The following TEX26 variants were observed in gnomAD, a reference collection of about 807,000 sequenced individuals.
The protein encoded by TEX26 is testis-expressed protein 26.
A neutral mutation model predicts 35.3 loss-of-function variants in TEX26; 34 were observed. The ratio of observed to expected loss-of-function variants is 0.96; its 90% CI spans 0.73 to 1.28. TEX26 has a LOEUF of 1.28. Ranked by LOEUF, TEX26 falls within the 50% of genes most tolerant of loss-of-function variation. The pLI is 0.00. For synonymous variants in TEX26, 136 were observed against 111.8 expected (o/e 1.22, Z -1.36); for missense variants, 371 against 330.1 (o/e 1.12, Z -0.96).
At chr13:30,953,701 A>T (rs572715539) in intron 3 of TEX26, among the ~76,000 whole-genome samples, 2 of 152,230 alleles carry the variant, frequency 1.3e-5, no homozygotes, top group Non-Finnish European at 2.9e-5. Context: ...CTCACATTAA[A>T]GAAAGCCATC....
chr13:30,941,926 G>C (rs985023646), intron 2 of TEX26, among the ~76,000 whole-genome samples: 1 of 152,048 alleles, frequency 6.6e-6, no homozygotes, highest in African/African-American at 2.4e-5. Context: ...GGGCCCTTAG[G>C]TTGGTTTTAT....
At chr13:30,972,794 C>T (rs1954757823) in intron 6 of TEX26, among the ~76,000 whole-genome samples, 1 of 152,198 alleles carries the variant, frequency 6.6e-6, no homozygotes, top group Non-Finnish European at 1.5e-5. Flanking sequence ...ACCACCACGC[C>T]CAGCTAATTT....
chr13:30,955,324 C>T (rs781221944), intron 3 of TEX26, among the ~76,000 whole-genome samples: 24 of 152,192 alleles, frequency 1.6e-4, no homozygotes, highest in Non-Finnish European at 3.1e-4. Flanking sequence ...GATACACCTG[C>T]CAATTTGCAG....
At chr13:30,960,930 C>T (rs1416338539) in intron 4 of TEX26, among the ~76,000 whole-genome samples, 1 of 152,116 alleles carries the variant, frequency 6.6e-6, no homozygotes, top group African/African-American at 2.4e-5. Context: ...CAAAAACCTA[C>T]AAAGGAGGTA....
intron 2 of TEX26, 127 bp from the exon 3 acceptor site, chr13:30,952,533 C>A: frequency 1.4e-6 from 1 of 726,300 alleles, no homozygotes; most frequent in African/African-American, 1.9e-5. Context: ...TAAATTATTT[C>A]TGGCACCAAC....
rs370787883 is a variant in TEX26, at chr13:30,952,656, A to G, written c.147-4A>G. ...ACTCTAATTTCTGCTGGGTTTTTTT[A>G]TAGCCAAAACGGTATCAGAAGATTA... On this transcript the variant is annotated splice_polypyrimidine_tract_variant and splice_region_variant and intron_variant, in intron 2 of 6. Transcript: ENST00000380473. The G allele has an allele frequency of 1.2e-5, 19 of 1,560,394 alleles. No homozygotes were observed. The African/African-American group carries it at 1.9e-4, about 16-fold the overall frequency.
intron 2 of TEX26, among the ~76,000 whole-genome samples, chr13:30,949,111 G>T (rs1956651995): frequency 6.6e-6 from 1 of 151,972 alleles, no homozygotes; most frequent in South Asian, 2.1e-4. Flanking sequence ...TCTCTGTTTT[G>T]GTACCAGTAC....
rs1188144780 is a variant in TEX26 at position 30,937,674 on chromosome 13, G to A, written c.62-2020G>A. Among the ~76,000 whole-genome samples, 3 of 152,248 alleles carry A rather than the reference G, an allele frequency of 2.0e-5. No homozygotes were observed. In the East Asian group the frequency reaches 5.8e-4, roughly 29 times the overall value. On this transcript the variant is annotated intron_variant, in intron 1 of 6. Transcript: ENST00000380473. The stretch of plus-strand genomic sequence containing the variant: ...GTATTGGAGAATGATGTCATTTCTT[G>A]TAGAGCAGGATTAGAGAGCAGACAC...
chr13:30,946,367 TA>T (rs1566146330), intron 2 of TEX26, among the ~76,000 whole-genome samples: 1 of 151,896 alleles, frequency 6.6e-6, no homozygotes, highest in African/African-American at 2.4e-5. Flanking sequence ...TTAATTTCTT[TA>T]TGTTGGTTTT....
At position 30,975,482 on chromosome 13, in the gene TEX26, A is replaced by G. The variant is rs1410577306; in HGVS notation, c.*575A>G. On this transcript the variant is annotated 3_prime_UTR_variant, in exon 7 of 7. Coordinates refer to ENST00000380473, the MANE Select transcript of TEX26 (RefSeq NM_152325.3). ...TGAAAGAATATTGGAACCTCCCACA[A>G]TAAATATATTTTTATCAATTTTCCC... The G allele has an allele frequency of 2.0e-5, 3 of 152,154 alleles. No individual in the cohort carries two copies. Among genetic ancestry groups the G allele is most frequent in the Non-Finnish European group, 2.9e-5 (2 of 68,030 alleles). 9.4% of individuals were successfully genotyped at this position (152,154 alleles called of 1,614,324 possible).
Position 30,939,597 on chromosome 13 carries a change from G to GT in TEX26, c.62-90dup, listed in dbSNP as rs934663424. Reference sequence around the variant, plus strand: ...ACTCTAAAGATAAACCATCCAAAATGTTTTTTTCTCTTGCAAAATTATCTT... The same window carrying GT: ...ACTCTAAAGATAAACCATCCAAAATGTTTTTTTTCTCTTGCAAAATTATCTT... On this transcript the variant is annotated intron_variant, in intron 1 of 6. Transcript: ENST00000380473. 2.0e-5 allele frequency: 22 copies of GT among 1,109,004 alleles called. No individual in the cohort carries two copies. The African/African-American group carries it at 2.0e-4, about 10-fold the overall frequency. The allele number at this position is 1,109,004 out of a possible 1,614,324, so 68.7% of individuals were successfully genotyped here. A position where few individuals can be genotyped will look rare whatever the true frequency, so the allele number is the denominator to read the frequency against.
chr13:30,968,406 C>T (rs1305894999), intron 5 of TEX26, among the ~76,000 whole-genome samples: 1 of 152,194 alleles, frequency 6.6e-6, no homozygotes, highest in Non-Finnish European at 1.5e-5. Context: ...CTTGGAAAGC[C>T]AGGCTTCATC....
chr13:30,966,140 T>C, intron 4 of TEX26, 82 bp from the exon 5 acceptor site: 1 of 1,481,780 alleles, frequency 6.7e-7, no homozygotes, highest in Non-Finnish European at 9.3e-7. Flanking sequence ...ACATTGACCA[T>C]ACCTCTAAAC....
intron 4 of TEX26, among the ~76,000 whole-genome samples, chr13:30,957,392 G>C (rs770282028): frequency 6.6e-6 from 1 of 152,186 alleles, no homozygotes; most frequent in African/African-American, 2.4e-5. Context: ...CAAGAGTAGA[G>C]CATCAAGGGC....
chr13:30,933,047 G>A (rs1034469760), intron 1 of TEX26: 3 of 371,368 alleles, frequency 8.1e-6, no homozygotes, highest in Non-Finnish European at 1.5e-5. Flanking sequence ...GCTAAGAGGG[G>A]ACAGGAAAAA....
chr13:30,946,627 T>A (rs1057100894), intron 2 of TEX26, among the ~76,000 whole-genome samples: 6 of 151,972 alleles, frequency 3.9e-5, no homozygotes, highest in Non-Finnish European at 7.4e-5. Flanking sequence ...AATTTCTTTT[T>A]TCCCCCTTAA....
intron 1 of TEX26, chr13:30,937,068 G>T: frequency 1.1e-6 from 1 of 877,326 alleles, no homozygotes; most frequent in Non-Finnish European, 1.4e-6. Context: ...GATCAAGTGT[G>T]CATCCAAGCA....
chr13:30,954,139 G>A (rs1241767922), intron 3 of TEX26, among the ~76,000 whole-genome samples: 1 of 151,906 alleles, frequency 6.6e-6, no homozygotes, highest in East Asian at 1.9e-4. Context: ...GGAGCTCTTG[G>A]GGGAGAGATG....
intron 5 of TEX26, among the ~76,000 whole-genome samples, chr13:30,967,473 C>T (rs117517052): frequency 2.4e-4 from 37 of 152,326 alleles, no homozygotes; most frequent in Non-Finnish European, 4.7e-4. Flanking sequence ...CTTCTAGCCA[C>T]TGGTTCCACT....
Sources: allele counts gnomAD v4.1 joint callset (sites outside exome capture counted in the v4.1 genomes callset), GRCh38; gene constraint gnomAD v4.1.1; transcripts MANE v1.5; gene names NCBI Gene and HGNC (gene_info 2026-07-23, HGNC 2026-07-21).